RYR2: variants seen among roughly 807,000 people sequenced by gnomAD.
RYR2 encodes cardiac muscle ryanodine receptor-calcium release channel.
In RYR2, 227 loss-of-function variants were observed where a neutral mutation model predicts 601.1. The ratio of observed to expected loss-of-function variants is 0.38; its 90% CI spans 0.34 to 0.42. The LOEUF (loss-of-function observed/expected upper bound fraction) is 0.42, where lower values mean the gene tolerates loss of function less well. Ranked by LOEUF, RYR2 falls within the 10% of genes least tolerant of loss-of-function variation. The pLI is 1.00. For missense variants in RYR2, 4,646 were observed against 6,156.5 expected (o/e 0.75, Z 8.21); for synonymous variants, 2,223 against 2,175.1 (o/e 1.02, Z -0.61).
chr1:237,456,390 TA>T (rs1272374067), intron 15 of RYR2, among the ~76,000 whole-genome samples: 2 of 152,250 alleles, frequency 1.3e-5, no homozygotes, highest in Non-Finnish European at 2.9e-5. Flanking sequence ...ATACAGAATT[TA>T]AAATCTGCTT....
chr1:237,448,564 A>T (rs1657672080), intron 14 of RYR2, among the ~76,000 whole-genome samples: 1 of 152,076 alleles, frequency 6.6e-6, no homozygotes, highest in African/African-American at 2.4e-5. Context: ...TCTACTAATT[A>T]CTGAGAGAAA....
chr1:237,288,777 C>A (rs1691862263), intron 2 of RYR2, among the ~76,000 whole-genome samples: 1 of 152,084 alleles, frequency 6.6e-6, no homozygotes, highest in Non-Finnish European at 1.5e-5. Flanking sequence ...TCCTCCCCTG[C>A]CTATGGAGTC....
At chr1:237,813,359 T>G (rs1661451656) in intron 100 of RYR2, among the ~76,000 whole-genome samples, 1 of 152,216 alleles carries the variant, frequency 6.6e-6, no homozygotes, top group South Asian at 2.1e-4. Context: ...CTCAGAGAAT[T>G]GCTAAAAATT....
At chr1:237,808,415 C>G (rs148974843) in intron 99 of RYR2, among the ~76,000 whole-genome samples, 7,137 of 152,214 alleles carry the variant, frequency 0.047, 251 homozygotes, top group South Asian at 0.088. Context: ...AATCCCAGCA[C>G]TTTGAGATGC....
chr1:237,385,185 G>A lies in RYR2; in HGVS notation c.577-2096G>A, dbSNP rs142290419. Among the ~76,000 whole-genome samples, 893 of 152,050 alleles carry A rather than the reference G, an allele frequency of 5.9e-3. 11 individuals carry two copies. The highest frequency in any genetic ancestry group is 8.9e-3 in the Non-Finnish European group (607 of 67,970). On this transcript the variant is annotated intron_variant, in intron 8 of 104. Transcript: ENST00000366574. ...ATTACAGGCGTGAGCCACCATGCCC[G>A]GCCGTATTTATTTTTTAATTTAATT...
intron 27 of RYR2, among the ~76,000 whole-genome samples, chr1:237,563,616 G>C (rs568809352): frequency 1.8e-4 from 27 of 152,068 alleles, no homozygotes; most frequent in Non-Finnish European, 2.2e-4. Context: ...CAGAAACTCT[G>C]CATTGTTTCT....
Position 237,660,838 on chromosome 1 carries a change from A to C in RYR2, c.8327A>C (p.Lys2776Thr). Residue 2776 changes from lysine to threonine, a missense_variant, in exon 56 of 105, where the codon AAA becomes ACA. Coordinates refer to ENST00000366574, the MANE Select transcript of RYR2 (RefSeq NM_001035.3). ...AAAGAAATTTATCGCTGGCCAATCA[A>C]AGAATCTTTAAAAACTATGCTGGCT... ...KEKEIYRWPI[K>T]ESLKTMLAWG... is the part of the protein sequence containing the mutation. 6.5e-7 allele frequency: 1 copy of C among 1,546,550 alleles called. No individual in the cohort carries two copies. The highest frequency in any genetic ancestry group is 8.7e-7 in the Non-Finnish European group (1 of 1,143,800).
intron 1 of RYR2, among the ~76,000 whole-genome samples, chr1:237,139,912 C>A (rs924196943): frequency 6.6e-6 from 1 of 152,142 alleles, no homozygotes; most frequent in African/African-American, 2.4e-5. Flanking sequence ...TAGCTCACAA[C>A]GTGTGTGCAG....
intron 80 of RYR2, among the ~76,000 whole-genome samples, chr1:237,744,719 T>TAAAA (rs10925505): frequency 0.029 from 4,232 of 146,194 alleles, 188 homozygotes; most frequent in African/African-American, 0.1. Context: ...CTTCTTTTTT[T>TAAAA]AAAAAAAAAA....
intron 63 of RYR2, among the ~76,000 whole-genome samples, chr1:237,697,048 C>T (rs1349723255): frequency 5.9e-5 from 9 of 152,088 alleles, no homozygotes; most frequent in Non-Finnish European, 1.2e-4. Flanking sequence ...TAACCAAGCT[C>T]TAGAACCTGA....
intron 101 of RYR2, among the ~76,000 whole-genome samples, chr1:237,827,502 C>T (rs935987209): frequency 6.6e-5 from 10 of 151,260 alleles, no homozygotes; most frequent in African/African-American, 9.7e-5. Flanking sequence ...TGGTGGTGTG[C>T]GCCTGTAATC....
At chr1:237,681,554 T>A (rs749663958) in intron 62 of RYR2, among the ~76,000 whole-genome samples, 2 of 152,170 alleles carry the variant, frequency 1.3e-5, no homozygotes, top group Non-Finnish European at 2.9e-5. Flanking sequence ...ATAAAACATG[T>A]CCTCAAACTT....
intron 62 of RYR2, among the ~76,000 whole-genome samples, chr1:237,686,484 T>A (rs1686404111): frequency 6.6e-6 from 1 of 151,968 alleles, no homozygotes; most frequent in Non-Finnish European, 1.5e-5. Context: ...GTTTAATGAG[T>A]TTATTCTTGG....
In RYR2 at chr1:237,732,086, A is replaced by C. The variant is rs767549454; in HGVS notation, c.10976A>C (p.Lys3659Thr). The C allele has an allele frequency of 6.2e-7, 1 of 1,611,794 alleles. No homozygotes were observed. The change falls in exon 78 of 105, where the codon AAG becomes ACG. Residue 3659 changes from lysine to threonine, a missense_variant. By Grantham distance (78) the Lys-to-Thr change is moderately conservative. Around this residue, in one of 17 missense-constraint regions of RYR2, gnomAD observed 1,497 missense variants for 1,842.6 expected, o/e 0.81. Transcript: ENST00000366574. ...AEPPEEDEGT[K>T]RVDPLHQLIL... The stretch of plus-strand genomic sequence containing the variant: ...CCTCCAGAAGAAGATGAAGGCACTA[A>C]GAGAGTTGATCCTCTACATCAGCTG...
intron 1 of RYR2, among the ~76,000 whole-genome samples, chr1:237,162,326 A>T (rs931361291): frequency 6.6e-6 from 1 of 152,124 alleles, no homozygotes; most frequent in Non-Finnish European, 1.5e-5. Flanking sequence ...ACATAATTAC[A>T]TAAGTCATCA....
At chr1:237,199,102 A>G (rs886472120) in intron 1 of RYR2, among the ~76,000 whole-genome samples, 6 of 152,180 alleles carry the variant, frequency 3.9e-5, no homozygotes, top group African/African-American at 1.4e-4. Flanking sequence ...CAAAAGTGAG[A>G]TATGGTTTTT....
intron 1 of RYR2, among the ~76,000 whole-genome samples, chr1:237,053,443 A>T (rs1168373209): frequency 6.6e-6 from 1 of 152,172 alleles, no homozygotes; most frequent in Admixed American, 6.5e-5. Context: ...TGTCATTATT[A>T]AGTCTAAATG....
At chr1:237,163,053 G>A (rs936598603) in intron 1 of RYR2, among the ~76,000 whole-genome samples, 3 of 152,128 alleles carry the variant, frequency 2.0e-5, no homozygotes, top group African/African-American at 4.8e-5. Flanking sequence ...GACTAGAGAC[G>A]GAGAGGTTGA....
In RYR2 at chr1:237,261,131, A is replaced by G. The variant is rs186427398; in HGVS notation, c.49-9366A>G. 5.6e-4 allele frequency among the ~76,000 whole-genome samples: 85 copies of G among 152,358 alleles called. 1 individual carries two copies. The highest frequency in any genetic ancestry group is 2.0e-3 in the African/African-American group (84 of 41,584). ...GATCAACTTGTAAGCACTTATCACC[A>G]TGCCTGCAACATAACTGGAACTTGA... On this transcript the variant is annotated intron_variant, in intron 1 of 104. Transcript: ENST00000366574.
Sources: allele counts gnomAD v4.1 joint callset (sites outside exome capture counted in the v4.1 genomes callset), GRCh38; gene constraint gnomAD v4.1.1; regional missense constraint gnomAD v4.1.1; transcripts MANE v1.5; gene names NCBI Gene and HGNC (gene_info 2026-07-23, HGNC 2026-07-21).